Variants in CARS2 observed in about 807,000 individuals in gnomAD.
CARS2 encodes probable cysteine--tRNA ligase, mitochondrial.
CARS2 carries 52 observed loss-of-function variants against 68.8 expected under a neutral mutation model. The observed-to-expected ratio is 0.76, with a 90% CI of 0.61 to 0.95. CARS2 has a LOEUF of 0.95. Among genes scored for constraint, CARS2 ranks in the 40% least tolerant of loss-of-function variants. The probability of loss-of-function intolerance (pLI) is 0.00; values close to 1 mark genes in which losing one functional copy is unlikely to be tolerated. For missense variants in CARS2, 780 were observed against 754.2 expected, an observed-to-expected ratio of 1.03 and a Z score of -0.40; for synonymous variants, 314 against 303.6, an observed-to-expected ratio of 1.03 and a Z score of -0.36.
Position 110,684,702 on chromosome 13 carries a change from A to C in CARS2, c.572-1568T>G, listed in dbSNP as rs2063248814. ...ATGAACCAGAGGACAGGAGGGGGAC[A>C]TCCAGGCCCTGGGAGCTGCTTTCTA... On this transcript the variant is annotated intron_variant, in intron 5 of 14. Coordinates refer to ENST00000257347, the MANE Select transcript of CARS2 (RefSeq NM_024537.4). Among the ~76,000 whole-genome samples the C allele has an allele frequency of 2.6e-5, 4 of 151,954 alleles. No individual in the cohort carries two copies. In the South Asian group the frequency reaches 8.3e-4, roughly 32 times the overall value.
rs573652998 is a variant in CARS2, at chr13:110,670,255, C to T, written c.786-2782G>A. Reference sequence around the variant, plus strand: ...TGAGATCTGAGAACGGACAGACTGCCTCCTCAAGTGGGTCCCTGATCCCCG... The same window carrying T: ...TGAGATCTGAGAACGGACAGACTGCTTCCTCAAGTGGGTCCCTGATCCCCG... On this transcript the variant is annotated intron_variant, in intron 7 of 14. Coordinates refer to ENST00000257347, the MANE Select transcript of CARS2 (RefSeq NM_024537.4). The surrounding 1 kb of genome is among the most constrained non-coding windows in gnomAD (Gnocchi z 4.1). Among the ~76,000 whole-genome samples, 2 of 152,342 alleles carry T rather than the reference C, an allele frequency of 1.3e-5. No homozygotes were observed. Among genetic ancestry groups the T allele is most frequent in the South Asian group, 4.1e-4 (2 of 4,828 alleles).
intron 7 of CARS2, among the ~76,000 whole-genome samples, 194 bp from the exon 8 acceptor site, chr13:110,667,667 C>T (rs1194043040): frequency 6.6e-6 from 1 of 152,224 alleles, no homozygotes; most frequent in Non-Finnish European, 1.5e-5. Context: ...TAATTCATGA[C>T]TTTTCATCCT....
intron 9 of CARS2, chr13:110,663,079 CA>C (rs1188359777): frequency 4.2e-6 from 2 of 473,312 alleles, no homozygotes; most frequent in East Asian, 6.4e-5. Flanking sequence ...AAAACCTAAA[CA>C]AATCCCAAAG....
chr13:110,645,643 A>G lies in CARS2; in HGVS notation c.1317+324T>C, dbSNP rs925108095. The stretch of plus-strand genomic sequence containing the variant: ...GGTCTTTCCTTAAAAAGTTCCCCAC[A>G]AAAGCTCTCTCTGTGAAAGGGCCAT... On this transcript the variant is annotated intron_variant, in intron 12 of 14. Transcript: ENST00000257347. 1.6e-5 allele frequency: 4 copies of G among 242,458 alleles called. No individual in the cohort carries two copies. In the South Asian group the frequency reaches 3.3e-4, roughly 20 times the overall value. The allele number at this position is 242,458 out of a possible 1,614,324, so 15.0% of individuals were successfully genotyped here. A position where few individuals can be genotyped will look rare whatever the true frequency, so the allele number is the denominator to read the frequency against.
chr13:110,706,051 G>A lies in CARS2; in HGVS notation c.43C>T (p.Leu15Phe). Residue 15 changes from leucine to phenylalanine, a missense_variant, in exon 1 of 15, where the codon CTC becomes TTC. Transcript: ENST00000257347. Reference sequence around the variant, plus strand: ...CGCCCAAGGCCCAGCGCGGCCTGGAGCAGCGGGGGGCCCAGGCCTGGGCCG... The same window carrying A: ...CGCCCAAGGCCCAGCGCGGCCTGGAACAGCGGGGGGCCCAGGCCTGGGCCG... Reference protein sequence around the residue: ...TRGPGLGPPLLQAALGLGRAG... With the variant: ...TRGPGLGPPLFQAALGLGRAG... The A allele has an allele frequency of 1.5e-6, 2 of 1,362,340 alleles. No individual in the cohort carries two copies. The highest frequency in any genetic ancestry group is 3.6e-5 in the South Asian group (2 of 55,752). The allele number at this position is 1,362,340 out of a possible 1,614,324, so 84.4% of individuals were successfully genotyped here. A position where few individuals can be genotyped will look rare whatever the true frequency, so the allele number is the denominator to read the frequency against.
In CARS2 at chr13:110,705,606, T is replaced by C. The variant is rs765570250; in HGVS notation, c.225-35A>G. On this transcript the variant is annotated intron_variant, in intron 1 of 14. Coordinates refer to ENST00000257347, the MANE Select transcript of CARS2 (RefSeq NM_024537.4). The surrounding 1 kb of genome is among the most constrained non-coding windows in gnomAD (Gnocchi z 4.0). ...AAGTTAAAATCCATCGTGTGGAACA[T>C]ATTTGCAAGAAAGGACATTCGATTC... The C allele has an allele frequency of 2.5e-6, 4 of 1,589,160 alleles. No individual in the cohort carries two copies. The highest frequency in any genetic ancestry group is 3.5e-6 in the Non-Finnish European group (4 of 1,157,364).
At position 110,665,512 on chromosome 13, in the gene CARS2, G is replaced by A. The variant is rs1438707676; in HGVS notation, c.919+1828C>T. The A allele has an allele frequency of 1.8e-5, 18 of 985,254 alleles. No individual in the cohort carries two copies. Among genetic ancestry groups the A allele is most frequent in the South Asian group, 1.4e-4 (3 of 21,290 alleles). The allele number at this position is 985,254 out of a possible 1,614,324, so 61.0% of individuals were successfully genotyped here. A position where few individuals can be genotyped will look rare whatever the true frequency, so the allele number is the denominator to read the frequency against. ...GAACACGACCTCCGTTTCTAGACCC[G>A]GCCCCTCCTCATTACCTGACAGGAC... is the stretch of plus-strand genomic sequence containing the variant. On this transcript the variant is annotated intron_variant, in intron 8 of 14. Coordinates refer to ENST00000257347, the MANE Select transcript of CARS2 (RefSeq NM_024537.4). The surrounding 1 kb of genome is among the most constrained non-coding windows in gnomAD (Gnocchi z 4.3).
chr13:110,688,153 G>T, intron 3 of CARS2, 135 bp from the exon 4 acceptor site: 1 of 550,458 alleles, frequency 1.8e-6, no homozygotes, highest in Non-Finnish European at 3.3e-6. Context: ...GCCTCAGTTT[G>T]CCCCCACCCA....
At chr13:110,680,423 G>T (rs1274765039) in intron 6 of CARS2, among the ~76,000 whole-genome samples, 1 of 152,048 alleles carries the variant, frequency 6.6e-6, no homozygotes, top group East Asian at 1.9e-4. Context: ...AACAAAAAAG[G>T]TATTCCAGCA....
intron 8 of CARS2, 105 bp downstream of exon 8, chr13:110,667,235 C>T (rs1170473992): frequency 4.8e-6 from 5 of 1,032,586 alleles, no homozygotes. Flanking sequence ...CATTTCTTGA[C>T]CTATTAGCTG....
In CARS2 at chr13:110,649,931, C is replaced by CTTTTT. The variant is rs59276783; in HGVS notation, c.1054+1098_1054+1102dup. Among the ~76,000 whole-genome samples the CTTTTT allele has an allele frequency of 3.4e-4, 25 of 73,142 alleles. 1 individual carries two copies. Among genetic ancestry groups the CTTTTT allele is most frequent in the African/African-American group, 7.3e-4 (14 of 19,264 alleles). 48.0% of individuals were successfully genotyped at this position (73,142 alleles called of 152,430 possible). A position where few individuals can be genotyped will look rare whatever the true frequency, so the allele number is the denominator to read the frequency against. On this transcript the variant is annotated intron_variant, in intron 10 of 14. Coordinates refer to ENST00000257347, the MANE Select transcript of CARS2 (RefSeq NM_024537.4). ...CCAGGGATGCAGCTCTGGATAACGA[C>CTTTTT]TTTTTTTTTTTTTTTTTTTTTTTTG...
chr13:110,679,573 G>GAAAGAA (rs2063081147), intron 6 of CARS2, among the ~76,000 whole-genome samples: 9 of 94,264 alleles, frequency 9.5e-5, no homozygotes, highest in South Asian at 1.0e-3. Flanking sequence ...AAGAAAGAGA[G>GAAAGAA]AGAAAGAAAG....
At position 110,647,081 on chromosome 13, in the gene CARS2, G is replaced by C; in HGVS notation, c.1193+20C>G. 6.4e-7 allele frequency: 1 copy of C among 1,554,322 alleles called. No homozygotes were observed. Among genetic ancestry groups the C allele is most frequent in the East Asian group, 2.4e-5 (1 of 42,044 alleles). ...GGCCACAGGAGGGGTGCCACGCCGG[G>C]TGCTAGGCGGGCCTCTTACCTCTCC... On this transcript the variant is annotated intron_variant, in intron 11 of 14. Transcript: ENST00000257347.
At chr13:110,677,466 G>A (rs56390422) in intron 6 of CARS2, among the ~76,000 whole-genome samples, 1 of 134,526 alleles carries the variant, frequency 7.4e-6, no homozygotes, top group Non-Finnish European at 1.6e-5. Flanking sequence ...CCACGGACAC[G>A]CAGACAGTCA....
intron 10 of CARS2, 70 bp from the exon 11 acceptor site, chr13:110,647,309 CAG>C (rs1389535795): frequency 2.4e-5 from 37 of 1,553,854 alleles, no homozygotes; most frequent in South Asian, 3.5e-5. Context: ...CCAGCAGAAT[CAG>C]TGTTTTCTGA....
intron 9 of CARS2, among the ~76,000 whole-genome samples, chr13:110,659,523 T>C (rs2062451273): frequency 6.6e-6 from 1 of 151,780 alleles, no homozygotes; most frequent in South Asian, 2.1e-4. Flanking sequence ...TGGCCTAGCA[T>C]GGTTCACAGG....
At chr13:110,686,598 C>G (rs573122213) in intron 5 of CARS2, among the ~76,000 whole-genome samples, 1 of 151,800 alleles carries the variant, frequency 6.6e-6, no homozygotes, top group African/African-American at 2.4e-5. Flanking sequence ...GCAATGTCAC[C>G]CAGGCTGGAG....
At chr13:110,694,340 A>C (rs1309886107) in intron 3 of CARS2, among the ~76,000 whole-genome samples, 1 of 149,210 alleles carries the variant, frequency 6.7e-6, no homozygotes, top group African/African-American at 2.5e-5. Context: ...GATTTTTCTT[A>C]ATATAAAATG....
At chr13:110,642,793 A>AT in intron 13 of CARS2, 1 of 699,032 alleles carries the variant, frequency 1.4e-6, no homozygotes, top group Non-Finnish European at 2.6e-6. Flanking sequence ...TGGGGGCTGC[A>AT]TGCCGCCCCG....
Sources: allele counts gnomAD v4.1 joint callset (sites outside exome capture counted in the v4.1 genomes callset), GRCh38; gene constraint gnomAD v4.1.1; non-coding constraint Gnocchi (gnomAD v3.1); transcripts MANE v1.5; gene names NCBI Gene and HGNC (gene_info 2026-07-23, HGNC 2026-07-21).